The following NLGN1 variants were observed in gnomAD, a reference collection of about 807,000 sequenced individuals.
NLGN1 encodes the protein neuroligin-1.
NLGN1 carries 12 observed loss-of-function variants against 65.5 expected under a neutral mutation model. The ratio of observed to expected loss-of-function variants is 0.18; its 90% confidence interval spans 0.12 to 0.30. The LOEUF is 0.30. Ranked by LOEUF, NLGN1 falls within the 10% of genes least tolerant of loss-of-function variation. The pLI is 1.00. For missense variants in NLGN1, 750 were observed against 1,007.1 expected (o/e 0.74, Z 3.46); for synonymous variants, 350 against 359.5 (o/e 0.97, Z 0.30).
chr3:174,108,489 A>C (rs545723533), intron 4 of NLGN1, among the ~76,000 whole-genome samples: 1 of 152,016 alleles, frequency 6.6e-6, no homozygotes, highest in Non-Finnish European at 1.5e-5. Flanking sequence ...TTGTTAGAAA[A>C]AGCTAAGCTG....
At chr3:173,772,739 T>C (rs1481881006) in intron 3 of NLGN1, among the ~76,000 whole-genome samples, 1 of 152,212 alleles carries the variant, frequency 6.6e-6, no homozygotes, top group African/African-American at 2.4e-5. Flanking sequence ...GACCGGAGAA[T>C]GGGATGTGGT....
At chr3:173,754,024 C>CTTTTTTTTTTTTTTTTTTTTTTT (rs71162358) in intron 3 of NLGN1, among the ~76,000 whole-genome samples, 6 of 121,618 alleles carry the variant, frequency 4.9e-5, no homozygotes, top group Non-Finnish European at 6.7e-5. Context: ...TCTTTCTTTT[C>CTTTTTTTTTTTTTTTTTTTTTTT]TTTTTTTTTT....
chr3:173,706,276 T>G (rs542092123), intron 3 of NLGN1, among the ~76,000 whole-genome samples: 1 of 152,284 alleles, frequency 6.6e-6, no homozygotes, highest in Non-Finnish European at 1.5e-5. Context: ...CTTAACAATA[T>G]GGGGAGGACT....
intron 4 of NLGN1, among the ~76,000 whole-genome samples, chr3:174,120,975 A>G (rs1717651191): frequency 6.6e-6 from 1 of 152,204 alleles, no homozygotes; most frequent in Admixed American, 6.5e-5. Flanking sequence ...TCTGCAGAAC[A>G]ATAGGCCTTG....
chr3:173,870,833 G>A (rs759494611), intron 4 of NLGN1, among the ~76,000 whole-genome samples: 2 of 152,074 alleles, frequency 1.3e-5, no homozygotes, highest in Non-Finnish European at 2.9e-5. Flanking sequence ...TGAAGTCCTG[G>A]TGCACTTAGC....
chr3:173,933,297 G>A (rs569441815), intron 4 of NLGN1, among the ~76,000 whole-genome samples: 1 of 152,242 alleles, frequency 6.6e-6, no homozygotes, highest in Non-Finnish European at 1.5e-5. Flanking sequence ...ATTGTGGAGA[G>A]AAGGGCTGAT....
At chr3:173,496,419 T>G (rs1317814155) in intron 2 of NLGN1, among the ~76,000 whole-genome samples, 2 of 151,930 alleles carry the variant, frequency 1.3e-5, no homozygotes. Flanking sequence ...AAAATTTATA[T>G]TTATCAAGAA....
intron 2 of NLGN1, among the ~76,000 whole-genome samples, chr3:173,560,677 T>C (rs1409810831): frequency 2.6e-5 from 4 of 152,170 alleles, no homozygotes; most frequent in Non-Finnish European, 5.9e-5. Flanking sequence ...AAGTTTTAGT[T>C]AGTTCCGTTT....
chr3:173,578,858 A>G (rs960734493), intron 2 of NLGN1, among the ~76,000 whole-genome samples: 36 of 152,220 alleles, frequency 2.4e-4, no homozygotes, highest in Admixed American at 2.0e-4. Context: ...TGAAGAAAAT[A>G]TTCTGCAAAA....
Position 174,278,982 on chromosome 3 carries a change from A to G in NLGN1, c.981A>G (p.Thr327=), listed in dbSNP as rs750236836. 6 of 1,578,450 alleles carry G rather than the reference A, an allele frequency of 3.8e-6. No individual in the cohort carries two copies. In the Admixed American group the frequency reaches 7.5e-5, roughly 20 times the overall value. ...AAGTTGGTTGCAATGTTTCAGATACAGTAGAGTTAGTGGAATGCCTACAGA... is the reference window on the plus strand; with the variant it reads ...AAGTTGGTTGCAATGTTTCAGATACGGTAGAGTTAGTGGAATGCCTACAGA... Residue 327 remains threonine, a synonymous_variant, in exon 6 of 7, where the codon ACA becomes ACG. Transcript: ENST00000457714.
intron 3 of NLGN1, among the ~76,000 whole-genome samples, chr3:173,703,525 A>G (rs961413219): frequency 5.9e-5 from 9 of 152,296 alleles, no homozygotes; most frequent in South Asian, 2.1e-4. Flanking sequence ...TAAGTCCTAT[A>G]AATGCTGGAT....
intron 3 of NLGN1, among the ~76,000 whole-genome samples, chr3:173,698,599 G>A (rs944041817): frequency 6.6e-6 from 1 of 152,062 alleles, no homozygotes; most frequent in African/African-American, 2.4e-5. Flanking sequence ...ATTATGCCCC[G>A]TGGAATATAC....
At chr3:173,533,554 C>T (rs562285636) in intron 2 of NLGN1, among the ~76,000 whole-genome samples, 1 of 152,286 alleles carries the variant, frequency 6.6e-6, no homozygotes, top group South Asian at 2.1e-4. Context: ...CCATGGCTCT[C>T]TCAGAGAAAG....
chr3:173,947,005 G>A (rs554558007), intron 4 of NLGN1, among the ~76,000 whole-genome samples: 1 of 151,722 alleles, frequency 6.6e-6, no homozygotes, highest in East Asian at 1.9e-4. Context: ...AATGTAGTGA[G>A]CAGTGGAAAC....
chr3:173,567,281 T>A (rs551172823), intron 2 of NLGN1, among the ~76,000 whole-genome samples: 1 of 152,186 alleles, frequency 6.6e-6, no homozygotes, highest in African/African-American at 2.4e-5. Flanking sequence ...GAACCCTCAT[T>A]TGAAGTTAGG....
chr3:173,969,504 G>A (rs1715693118), intron 4 of NLGN1, among the ~76,000 whole-genome samples: 1 of 152,054 alleles, frequency 6.6e-6, no homozygotes, highest in Admixed American at 6.6e-5. Flanking sequence ...CCAGAATTTA[G>A]ATAATTTAGA....
In NLGN1 at chr3:173,678,496, C is replaced by T. The variant is rs9814460; in HGVS notation, c.493+73405C>T. 7.7e-3 allele frequency among the ~76,000 whole-genome samples: 1,169 copies of T among 152,088 alleles called. 17 individuals are homozygous for T. The highest frequency in any genetic ancestry group is 0.027 in the African/African-American group (1,120 of 41,502). On this transcript the variant is annotated intron_variant, in intron 3 of 6. Coordinates refer to ENST00000457714, the Ensembl canonical transcript of NLGN1. ...TTTTGGATCTATGTATTGAAGGAAT[C>T]GTAGGAATTAACAGGTGGAAAGAGG...
chr3:173,955,969 C>G (rs906890203), intron 4 of NLGN1, among the ~76,000 whole-genome samples: 54 of 151,972 alleles, frequency 3.6e-4, no homozygotes, highest in African/African-American at 1.3e-3. Context: ...AAATTATAAT[C>G]TGATGCCAAT....
intron 4 of NLGN1, among the ~76,000 whole-genome samples, chr3:174,230,070 A>T (rs997402424): frequency 3.3e-5 from 5 of 152,280 alleles, no homozygotes; most frequent in African/African-American, 1.2e-4. Context: ...CCTACAAGTG[A>T]AGGTCTCACA....
Sources: gnomAD v4.1 joint callset for allele counts (sites outside exome capture counted in the v4.1 genomes callset) on GRCh38, gnomAD v4.1.1 for gene constraint, MANE v1.5 for transcripts, NCBI Gene and HGNC (gene_info 2026-07-23, HGNC 2026-07-21) for gene names.